PCDH15: variants seen among roughly 807,000 people sequenced by gnomAD.
PCDH15 encodes the protein protocadherin related 15.
In PCDH15, 129 loss-of-function variants were observed where a neutral mutation model predicts 178.5. The observed-to-expected ratio is 0.72, with a 90% CI of 0.63 to 0.84. The LOEUF is 0.84. Ranked by LOEUF, PCDH15 falls within the 40% of genes least tolerant of loss-of-function variation. The pLI, the probability that PCDH15 is intolerant of heterozygous loss-of-function variation, is 0.00. For synonymous variants in PCDH15, 800 were observed against 732.0 expected (o/e 1.09, Z -1.50); for missense variants, 2,230 against 2,099.9 (o/e 1.06, Z -1.21).
intron 10 of PCDH15, among the ~76,000 whole-genome samples, chr10:54,201,772 GAA>G (rs1375489354): frequency 6.6e-6 from 1 of 151,900 alleles, no homozygotes; most frequent in African/African-American, 2.4e-5. Context: ...GAACGTACAC[GAA>G]GTGGAAATTA....
intron 1 of PCDH15, among the ~76,000 whole-genome samples, chr10:54,756,155 CAGG>C (rs1947082011): frequency 6.6e-6 from 1 of 151,414 alleles, no homozygotes; most frequent in African/African-American, 2.4e-5. Flanking sequence ...GAGGCTGAGG[CAGG>C]AGAATAGTTT....
intron 23 of PCDH15, among the ~76,000 whole-genome samples, chr10:53,952,466 T>C (rs1010694134): frequency 1.3e-5 from 2 of 152,094 alleles, no homozygotes; most frequent in Non-Finnish European, 2.9e-5. Flanking sequence ...CTGAGTCTGG[T>C]TGAGACTGGG....
intron 10 of PCDH15, among the ~76,000 whole-genome samples, chr10:54,212,271 A>C (rs11004142): frequency 0.5 from 76,374 of 151,884 alleles, 22,134 homozygotes; most frequent in Non-Finnish European, 0.66. Flanking sequence ...TCAATGTAAG[A>C]AGGTGAATCT....
chr10:54,570,279 GTT>G (rs1301291485), intron 2 of PCDH15, among the ~76,000 whole-genome samples: 1 of 152,026 alleles, frequency 6.6e-6, no homozygotes, highest in African/African-American at 2.4e-5. Flanking sequence ...CACAAAAATA[GTT>G]TTAAAAAATA....
In PCDH15 at chr10:54,151,071, G is replaced by T. The variant is rs573235640; in HGVS notation, c.1784+2029C>A. 2.0e-5 allele frequency among the ~76,000 whole-genome samples: 3 copies of T among 152,148 alleles called. No homozygotes were observed. The East Asian group carries it at 5.8e-4, about 29-fold the overall frequency. On this transcript the variant is annotated intron_variant, in intron 14 of 37. Transcript: ENST00000644397. ...TAGCTATTTATTTGATCTGAGAAAAGCACCATTACTATTTTAAAAAGTCAA... is the reference window on the plus strand; with the variant it reads ...TAGCTATTTATTTGATCTGAGAAAATCACCATTACTATTTTAAAAAGTCAA...
At chr10:55,025,472 C>T (rs1840453781) in intron 2 of PCDH15, among the ~76,000 whole-genome samples, 1 of 152,040 alleles carries the variant, frequency 6.6e-6, no homozygotes, top group Admixed American at 6.6e-5. Flanking sequence ...CTATTTACAG[C>T]CATTCTTTAA....
At chr10:54,485,845 G>C (rs1452873171) in intron 3 of PCDH15, among the ~76,000 whole-genome samples, 2 of 152,036 alleles carry the variant, frequency 1.3e-5, no homozygotes, top group Admixed American at 6.6e-5. Flanking sequence ...TCGAGGCATA[G>C]CCTGGCAACA....
At chr10:55,253,981 T>A (rs1391211091) in intron 1 of PCDH15, among the ~76,000 whole-genome samples, 1 of 152,216 alleles carries the variant, frequency 6.6e-6, no homozygotes, top group Non-Finnish European at 1.5e-5. Context: ...CTGAATTTCT[T>A]TTATATGTCT....
At chr10:54,600,056 A>G in intron 2 of PCDH15, 2 of 1,264,784 alleles carry the variant, frequency 1.6e-6, no homozygotes, top group South Asian at 2.6e-5. Flanking sequence ...AAAGAGGAAG[A>G]AAAGGAAATC....
At chr10:54,245,267 T>C (rs900185051) in intron 8 of PCDH15, among the ~76,000 whole-genome samples, 2 of 152,224 alleles carry the variant, frequency 1.3e-5, no homozygotes, top group Admixed American at 1.3e-4. Flanking sequence ...CATACATTTT[T>C]AATTTAGATA....
At chr10:55,574,938 G>A (rs2132113618) in intron 2 of PCDH15, among the ~76,000 whole-genome samples, 1 of 152,118 alleles carries the variant, frequency 6.6e-6, no homozygotes, top group East Asian at 1.9e-4. Context: ...CCTAGAAAAT[G>A]TATGATTATT....
At chr10:54,593,817 C>G (rs893666988) in intron 2 of PCDH15, among the ~76,000 whole-genome samples, 2 of 152,070 alleles carry the variant, frequency 1.3e-5, no homozygotes, top group South Asian at 2.1e-4. Flanking sequence ...CATTTATTTT[C>G]CATGGATGAA....
intron 3 of PCDH15, among the ~76,000 whole-genome samples, chr10:54,819,258 T>A (rs1952997879): frequency 6.6e-6 from 1 of 152,092 alleles, no homozygotes; most frequent in Admixed American, 6.6e-5. Context: ...ATACCAACTC[T>A]GCAAATATTA....
chr10:55,119,721 G>A (rs375973439), intron 2 of PCDH15, among the ~76,000 whole-genome samples: 1 of 152,152 alleles, frequency 6.6e-6, no homozygotes, highest in African/African-American at 2.4e-5. Context: ...CTGTAACTAT[G>A]TTCCTCTCAG....
chr10:54,713,058 TCA>T (rs1215472569), intron 1 of PCDH15, among the ~76,000 whole-genome samples: 1 of 152,074 alleles, frequency 6.6e-6, no homozygotes, highest in East Asian at 1.9e-4. Flanking sequence ...GCATCATAAA[TCA>T]CTAGCTGCAA....
At chr10:54,882,531 G>A (rs116968809) in intron 3 of PCDH15, among the ~76,000 whole-genome samples, 2,147 of 151,952 alleles carry the variant, frequency 0.014, 25 homozygotes, top group South Asian at 0.026. Flanking sequence ...TATCACTCCT[G>A]GCCCCCACAA....
intron 2 of PCDH15, among the ~76,000 whole-genome samples, chr10:54,586,374 T>C (rs1348147433): frequency 6.6e-6 from 1 of 152,148 alleles, no homozygotes; most frequent in Admixed American, 6.6e-5. Context: ...TTCAAGAGGT[T>C]TATTAGTCTG....
intron 2 of PCDH15, among the ~76,000 whole-genome samples, chr10:55,508,639 G>C (rs1221510365): frequency 6.6e-6 from 1 of 151,712 alleles, no homozygotes; most frequent in Non-Finnish European, 1.5e-5. Flanking sequence ...AGTTGACATA[G>C]AATTTCCAAA....
intron 20 of PCDH15, among the ~76,000 whole-genome samples, chr10:54,011,557 T>C (rs1189901203): frequency 6.6e-6 from 1 of 152,154 alleles, no homozygotes; most frequent in Non-Finnish European, 1.5e-5. Flanking sequence ...GAGCCGACAC[T>C]TTCAGATCAC....
Sources: gnomAD v4.1 joint callset for allele counts (sites outside exome capture counted in the v4.1 genomes callset) on GRCh38, gnomAD v4.1.1 for gene constraint, MANE v1.5 for transcripts, NCBI Gene and HGNC (gene_info 2026-07-23, HGNC 2026-07-21) for gene names.